Variants in GRXCR1 observed in about 807,000 individuals in gnomAD.
The protein encoded by GRXCR1 is glutaredoxin and cysteine rich domain containing 1.
Under a neutral mutation model 27.3 loss-of-function variants are expected in GRXCR1, and 27 were observed. The ratio of observed to expected loss-of-function variants is 0.99; its 90% confidence interval spans 0.73 to 1.37. GRXCR1 has a LOEUF of 1.37. Ranked by LOEUF, GRXCR1 falls within the 40% of genes most tolerant of loss-of-function variation. The pLI is 0.00. For missense variants in GRXCR1, 379 were observed against 354.4 expected, an observed-to-expected ratio of 1.07 and a Z score of -0.56; for synonymous variants, 122 against 131.1, an observed-to-expected ratio of 0.93 and a Z score of 0.47.
intron 1 of GRXCR1, among the ~76,000 whole-genome samples, chr4:42,907,338 C>G (rs1267635854): frequency 6.6e-6 from 1 of 152,152 alleles, no homozygotes; most frequent in African/African-American, 2.4e-5. Context: ...TTTATTGCAT[C>G]CAAGCACAGC....
At chr4:43,005,495 C>T (rs1260749881) in intron 2 of GRXCR1, among the ~76,000 whole-genome samples, 1 of 152,070 alleles carries the variant, frequency 6.6e-6, no homozygotes, top group East Asian at 1.9e-4. Flanking sequence ...TTCTTTTTCC[C>T]AATGTTGGAT....
At chr4:42,977,357 T>A (rs1748548312) in intron 2 of GRXCR1, among the ~76,000 whole-genome samples, 1 of 152,010 alleles carries the variant, frequency 6.6e-6, no homozygotes, top group African/African-American at 2.4e-5. Flanking sequence ...CTGGATCATA[T>A]GGTAGTTGTA....
intron 1 of GRXCR1, among the ~76,000 whole-genome samples, chr4:42,913,990 T>C (rs2109746688): frequency 6.6e-6 from 1 of 152,282 alleles, no homozygotes; most frequent in Admixed American, 6.5e-5. Flanking sequence ...GGTTTGGGAA[T>C]CTCCACCTAG....
At position 42,956,822 on chromosome 4, in the gene GRXCR1, C is replaced by T. The variant is rs113094323; in HGVS notation, c.385-6070C>T. The stretch of plus-strand genomic sequence containing the variant: ...TGTGTATCTTGCACAACTACCCCCA[C>T]TGGTCCTTCTTTACTTATCATTTTG... On this transcript the variant is annotated intron_variant, in intron 1 of 3. Transcript: ENST00000399770. Among the ~76,000 whole-genome samples, 595 of 152,174 alleles carry T rather than the reference C, an allele frequency of 3.9e-3. 3 individuals are homozygous for T. Among genetic ancestry groups the T allele is most frequent in the African/African-American group, 0.014 (562 of 41,546 alleles).
chr4:42,931,149 T>C (rs1747296157), intron 1 of GRXCR1, among the ~76,000 whole-genome samples: 1 of 152,026 alleles, frequency 6.6e-6, no homozygotes, highest in African/African-American at 2.4e-5. Context: ...ATTATTTATT[T>C]CCAAAATGTT....
intron 2 of GRXCR1, among the ~76,000 whole-genome samples, chr4:42,977,544 C>G (rs532530060): frequency 3.8e-4 from 58 of 151,398 alleles, no homozygotes; most frequent in African/African-American, 1.3e-3. Flanking sequence ...TTTTAATTTG[C>G]ATTTCCCTAA....
intron 1 of GRXCR1, among the ~76,000 whole-genome samples, chr4:42,932,611 TATATATATAGAGAGAGAGAGAG>T (rs1363121399): frequency 2.4e-3 from 108 of 45,586 alleles, no homozygotes; most frequent in Admixed American, 3.7e-3. Flanking sequence ...TATATATATA[TATATATATAGAGAGAGAGAGAG>T]AGAGAGAGAG....
chr4:42,926,543 G>A (rs558125500), intron 1 of GRXCR1, among the ~76,000 whole-genome samples: 2 of 151,514 alleles, frequency 1.3e-5, no homozygotes, highest in South Asian at 4.2e-4. Context: ...CAGTGATAAT[G>A]TGGACTTTCC....
At chr4:42,894,470 A>G (rs1051946251) in intron 1 of GRXCR1, among the ~76,000 whole-genome samples, 1 of 152,126 alleles carries the variant, frequency 6.6e-6, no homozygotes, top group African/African-American at 2.4e-5. Context: ...TAAGGTAGCC[A>G]ATATTTTTCA....
chr4:42,917,512 C>T lies in GRXCR1; in HGVS notation c.384+23862C>T, dbSNP rs537216481. Reference sequence around the variant, plus strand: ...TCACCAGAGAGGACTTCACTGGCAGCGACTCATGACTTTATGATCTCTCTC... The same window carrying T: ...TCACCAGAGAGGACTTCACTGGCAGTGACTCATGACTTTATGATCTCTCTC... On this transcript the variant is annotated intron_variant, in intron 1 of 3. Transcript: ENST00000399770. Among the ~76,000 whole-genome samples the T allele has an allele frequency of 2.6e-5, 4 of 152,238 alleles. No homozygotes were observed. The South Asian group carries it at 8.3e-4, about 32-fold the overall frequency.
In GRXCR1 at chr4:42,926,047, C is replaced by A. The variant is rs540046251; in HGVS notation, c.384+32397C>A. On this transcript the variant is annotated intron_variant, in intron 1 of 3. Transcript: ENST00000399770. ...AAAGTTTGTTTCCAAAGTGTTCTAA[C>A]CTTTCGACTTTTTCCACTTGAAGAT... is the stretch of plus-strand genomic sequence containing the variant. 1.1e-4 allele frequency among the ~76,000 whole-genome samples: 16 copies of A among 152,128 alleles called. No homozygotes were observed. In the East Asian group the frequency reaches 3.1e-3, roughly 30 times the overall value.
intron 3 of GRXCR1, among the ~76,000 whole-genome samples, chr4:43,021,940 G>C (rs1713105650): frequency 2.6e-5 from 4 of 152,020 alleles, no homozygotes; most frequent in Admixed American, 2.6e-4. Context: ...GTGACTTTGG[G>C]CATAACCTTT....
chr4:42,950,503 C>T (rs1172136439), intron 1 of GRXCR1, among the ~76,000 whole-genome samples: 1 of 152,070 alleles, frequency 6.6e-6, no homozygotes, highest in Non-Finnish European at 1.5e-5. Flanking sequence ...GCATTTTTGA[C>T]AATATGTATA....
At chr4:42,985,341 C>A (rs2109787602) in intron 2 of GRXCR1, among the ~76,000 whole-genome samples, 1 of 152,106 alleles carries the variant, frequency 6.6e-6, no homozygotes. Flanking sequence ...AAGATATAAC[C>A]TGCAACATGT....
intron 2 of GRXCR1, among the ~76,000 whole-genome samples, chr4:43,016,741 G>T (rs959917960): frequency 6.6e-6 from 1 of 152,062 alleles, no homozygotes; most frequent in Non-Finnish European, 1.5e-5. Flanking sequence ...AATGTTGAAT[G>T]AATGGATAAA....
chr4:42,969,052 T>A (rs1370810921), intron 2 of GRXCR1, among the ~76,000 whole-genome samples: 1 of 152,140 alleles, frequency 6.6e-6, no homozygotes, highest in African/African-American at 2.4e-5. Flanking sequence ...GATTCCCTAG[T>A]ATCTACTCTG....
At chr4:42,947,287 A>G (rs1444315952) in intron 1 of GRXCR1, among the ~76,000 whole-genome samples, 3 of 152,080 alleles carry the variant, frequency 2.0e-5, no homozygotes, top group African/African-American at 7.2e-5. Context: ...AGCTGGACAC[A>G]GAGGAGTGAC....
chr4:42,973,142 T>C (rs1434785012), intron 2 of GRXCR1, among the ~76,000 whole-genome samples: 2 of 152,194 alleles, frequency 1.3e-5, no homozygotes, highest in Non-Finnish European at 2.9e-5. Context: ...TGAAGTTCTA[T>C]AGACTTTCCA....
chr4:42,943,547 C>T (rs1450937), intron 1 of GRXCR1, among the ~76,000 whole-genome samples: 2 of 151,786 alleles, frequency 1.3e-5, no homozygotes, highest in Non-Finnish European at 2.9e-5. Context: ...TAAGCACCTC[C>T]TGTGGGTCTT....
Sources: allele counts gnomAD v4.1 joint callset (sites outside exome capture counted in the v4.1 genomes callset), GRCh38; gene constraint gnomAD v4.1.1; transcripts MANE v1.5; gene names NCBI Gene and HGNC (gene_info 2026-07-23, HGNC 2026-07-21).